The following BCKDHB variants were observed in gnomAD, a reference collection of about 807,000 sequenced individuals.
BCKDHB encodes 2-oxoisovalerate dehydrogenase subunit beta, mitochondrial.
A neutral mutation model predicts 48.5 loss-of-function variants in BCKDHB; 41 were observed. That is an observed-to-expected ratio of 0.85 (90% confidence interval 0.66 to 1.10). BCKDHB has a LOEUF of 1.10. Among genes scored for constraint, BCKDHB ranks in the 50% least tolerant of loss-of-function variants. BCKDHB has a pLI of 0.00. For synonymous variants in BCKDHB, 201 were observed against 174.8 expected (o/e 1.15, Z -1.18); for missense variants, 496 against 494.2 (o/e 1.00, Z -0.03).
intron 6 of BCKDHB, among the ~76,000 whole-genome samples, chr6:80,172,786 T>A (rs1005396540): frequency 1.3e-5 from 2 of 152,164 alleles, no homozygotes; most frequent in African/African-American, 2.4e-5. Flanking sequence ...ATGTGTCATT[T>A]TACACTTTCA....
chr6:80,119,740 C>A (rs1769903988), intron 1 of BCKDHB, among the ~76,000 whole-genome samples: 1 of 152,052 alleles, frequency 6.6e-6, no homozygotes, highest in Non-Finnish European at 1.5e-5. Flanking sequence ...TCATTTATGG[C>A]AGATATAGCT....
chr6:80,167,189 T>G (rs1772619926), intron 3 of BCKDHB, among the ~76,000 whole-genome samples: 1 of 152,164 alleles, frequency 6.6e-6, no homozygotes, highest in Admixed American at 6.5e-5. Context: ...GCTATTAATA[T>G]AGTGACATCA....
chr6:80,127,512 A>G (rs2127725997), intron 1 of BCKDHB, 35 bp from the exon 2 acceptor site: 1 of 1,559,894 alleles, frequency 6.4e-7, no homozygotes, highest in Middle Eastern at 1.7e-4. Flanking sequence ...TGTATTTTAC[A>G]ACACACGAAA....
intron 9 of BCKDHB, among the ~76,000 whole-genome samples, chr6:80,315,908 C>A (rs755053944): frequency 1.3e-5 from 2 of 152,144 alleles, no homozygotes; most frequent in South Asian, 4.1e-4. Flanking sequence ...GAATAAGTAA[C>A]CAATTCCTTC....
intron 8 of BCKDHB, among the ~76,000 whole-genome samples, chr6:80,230,636 A>G (rs936496746): frequency 1.3e-5 from 2 of 152,200 alleles, no homozygotes; most frequent in African/African-American, 4.8e-5. Context: ...CTGTAGCAGA[A>G]TGCCACTGAC....
At chr6:80,216,028 C>A (rs1582375806) in intron 8 of BCKDHB, among the ~76,000 whole-genome samples, 1 of 152,176 alleles carries the variant, frequency 6.6e-6, no homozygotes. Flanking sequence ...ACGTGAGCCA[C>A]CGTGCCCGGC....
chr6:80,161,659 G>A (rs768080940), intron 3 of BCKDHB, among the ~76,000 whole-genome samples: 10 of 152,154 alleles, frequency 6.6e-5, no homozygotes, highest in Non-Finnish European at 1.3e-4. Context: ...TGTCCACATG[G>A]ATGGTCTTTT....
intron 1 of BCKDHB, among the ~76,000 whole-genome samples, chr6:80,117,006 TA>T (rs1013418499): frequency 3.3e-5 from 5 of 152,174 alleles, no homozygotes; most frequent in African/African-American, 1.2e-4. Flanking sequence ...AAATATATAT[TA>T]AAAAAAATTA....
At chr6:80,416,245 G>GTTTT in the BCKDHB span, among the ~76,000 whole-genome samples, 2 of 139,430 alleles carry the variant, frequency 1.4e-5, no homozygotes, top group African/African-American at 5.2e-5. Context: ...TTTTGAATAG[G>GTTTT]TTTTTTTTTT....
chr6:80,316,155 G>A (rs945569323), intron 9 of BCKDHB, among the ~76,000 whole-genome samples: 4 of 152,194 alleles, frequency 2.6e-5, no homozygotes, highest in Admixed American at 6.5e-5. Context: ...GCAGTACAGT[G>A]TCAAGTTTAG....
At chr6:80,217,807 A>C (rs1775241166) in intron 8 of BCKDHB, among the ~76,000 whole-genome samples, 1 of 152,234 alleles carries the variant, frequency 6.6e-6, no homozygotes, top group South Asian at 2.1e-4. Context: ...GTTTATGGAA[A>C]GAAAAAGTGC....
At chr6:80,304,300 A>G (rs895267586) in intron 9 of BCKDHB, among the ~76,000 whole-genome samples, 2 of 152,114 alleles carry the variant, frequency 1.3e-5, no homozygotes, top group African/African-American at 2.4e-5. Context: ...ACCTTTTGCC[A>G]TTGCTACATT....
At chr6:80,179,656 G>C (rs1477583087) in intron 6 of BCKDHB, among the ~76,000 whole-genome samples, 1 of 152,098 alleles carries the variant, frequency 6.6e-6, no homozygotes, top group Non-Finnish European at 1.5e-5. Context: ...ACTTAAGGTA[G>C]TACATCCCTA....
the BCKDHB span, among the ~76,000 whole-genome samples, chr6:80,389,188 T>C: frequency 6.6e-6 from 1 of 152,158 alleles, no homozygotes; most frequent in Admixed American, 6.6e-5. Context: ...TGGACACCAC[T>C]CCAGCTCTTT....
chr6:80,280,418 A>G (rs1226609527), intron 9 of BCKDHB, among the ~76,000 whole-genome samples: 1 of 152,174 alleles, frequency 6.6e-6, no homozygotes, highest in Admixed American at 6.5e-5. Context: ...TGAGAGAGGA[A>G]GTGATGGAGA....
chr6:80,274,016 T>C (rs1346798002), intron 9 of BCKDHB, among the ~76,000 whole-genome samples: 1 of 152,064 alleles, frequency 6.6e-6, no homozygotes, highest in African/African-American at 2.4e-5. Flanking sequence ...TACTTCTCTT[T>C]ACTGGTGTGA....
At chr6:80,316,896 G>A (rs1768475835) in intron 9 of BCKDHB, among the ~76,000 whole-genome samples, 1 of 152,010 alleles carries the variant, frequency 6.6e-6, no homozygotes, top group African/African-American at 2.4e-5. Flanking sequence ...TTTCAAATGT[G>A]CTTAGTTGGC....
chr6:80,277,715 AAT>A (rs1272333382), intron 9 of BCKDHB, among the ~76,000 whole-genome samples: 1 of 151,152 alleles, frequency 6.6e-6, no homozygotes, highest in Non-Finnish European at 1.5e-5. Context: ...TAAAGAGTCC[AAT>A]TGGAGAGGAT....
the BCKDHB span, among the ~76,000 whole-genome samples, chr6:80,447,996 G>C: frequency 8.5e-5 from 13 of 152,084 alleles, no homozygotes; most frequent in Non-Finnish European, 1.8e-4. Context: ...AAACATAGAA[G>C]TAAAATTAAT....
Sources: gnomAD v4.1 joint callset for allele counts (sites outside exome capture counted in the v4.1 genomes callset) on GRCh38, gnomAD v4.1.1 for gene constraint, MANE v1.5 for transcripts, NCBI Gene and HGNC (gene_info 2026-07-23, HGNC 2026-07-21) for gene names.